RGS6: variants seen among roughly 807,000 people sequenced by gnomAD.
RGS6 encodes regulator of G-protein signaling 6.
RGS6 carries 30 observed loss-of-function variants against 78.5 expected under a neutral mutation model. The observed-to-expected ratio is 0.38, with a 90% CI of 0.29 to 0.52. The LOEUF (loss-of-function observed/expected upper bound fraction) is 0.52. Ranked by LOEUF, RGS6 falls within the 20% of genes least tolerant of loss-of-function variation. The pLI, the probability that RGS6 is intolerant of heterozygous loss-of-function variation, is 0.85. For synonymous variants in RGS6, 206 were observed against 206.0 expected, an observed-to-expected ratio of 1.00 and a Z score of 0.00; for missense variants, 495 against 609.7, an observed-to-expected ratio of 0.81 and a Z score of 1.98.
At chr14:72,128,762 G>A (rs2096254414) in intron 2 of RGS6, among the ~76,000 whole-genome samples, 1 of 152,150 alleles carries the variant, frequency 6.6e-6, no homozygotes, top group Admixed American at 6.5e-5. Flanking sequence ...TATGTTGGTA[G>A]GAAGTAGAAA....
In RGS6 at chr14:72,540,086, C is replaced by G. The variant is rs1350940158; in HGVS notation, c.1414C>G (p.Arg472Gly). 4 of 1,588,962 alleles carry G rather than the reference C, an allele frequency of 2.5e-6. No individual in the cohort carries two copies. The highest frequency in any genetic ancestry group is 3.4e-6 in the Non-Finnish European group (4 of 1,177,166). Residue 472 changes from arginine (R) to glycine (G), a missense_variant, in exon 17 of 18, where the codon CGC (arginine) becomes GGC (glycine). By Grantham distance (125) the Arg-to-Gly change is moderately radical (BLOSUM62 -2). Transcript: ENST00000553525. ...GRRTSLEKFT[R>G]SVGKSLAGKR... The stretch of plus-strand genomic sequence containing the variant: ...TAGAACTTCCCTAGAAAAGTTCACT[C>G]GCAGTGTGGTAAGTTCAGTCGGTTT...
chr14:72,263,881 A>G (rs1378921654), intron 2 of RGS6, among the ~76,000 whole-genome samples: 1 of 152,144 alleles, frequency 6.6e-6, no homozygotes, highest in Non-Finnish European at 1.5e-5. Flanking sequence ...CACCCATCTC[A>G]TGTGAATGTA....
At chr14:72,017,454 CATG>C (rs2087282771) in intron 2 of RGS6, among the ~76,000 whole-genome samples, 1 of 152,148 alleles carries the variant, frequency 6.6e-6, no homozygotes, top group Admixed American at 6.5e-5. Context: ...CTTGGACTTT[CATG>C]ATATCACCTG....
chr14:72,000,592 G>C (rs977363260), intron 2 of RGS6, among the ~76,000 whole-genome samples: 1 of 152,162 alleles, frequency 6.6e-6, no homozygotes, highest in African/African-American at 2.4e-5. Flanking sequence ...GAGAACCCAG[G>C]AGACAAAGGT....
chr14:72,354,806 T>G (rs1340018837), intron 3 of RGS6, among the ~76,000 whole-genome samples: 1 of 152,168 alleles, frequency 6.6e-6, no homozygotes, highest in East Asian at 1.9e-4. Context: ...AGAGCCCAGA[T>G]AGATTTGGGT....
At chr14:72,236,580 T>C (rs1278462579) in intron 2 of RGS6, among the ~76,000 whole-genome samples, 1 of 152,182 alleles carries the variant, frequency 6.6e-6, no homozygotes, top group Non-Finnish European at 1.5e-5. Context: ...AATGCAAACT[T>C]GGGGAAGGCA....
At chr14:71,947,201 C>T (rs2091653954) in intron 1 of RGS6, among the ~76,000 whole-genome samples, 1 of 152,148 alleles carries the variant, frequency 6.6e-6, no homozygotes, top group Non-Finnish European at 1.5e-5. Flanking sequence ...CTGCTGACTC[C>T]TGGGTCTCCC....
chr14:71,925,831 A>C, the RGS6 span, among the ~76,000 whole-genome samples: 10 of 151,732 alleles, frequency 6.6e-5, no homozygotes, highest in Non-Finnish European at 1.3e-4. Context: ...TACAGCTTAC[A>C]AAATCACATA....
chr14:72,288,864 A>T (rs1289933344), intron 2 of RGS6, among the ~76,000 whole-genome samples: 1 of 152,172 alleles, frequency 6.6e-6, no homozygotes, highest in Admixed American at 6.5e-5. Flanking sequence ...TTAAAGGGCA[A>T]CAGTTTTCCT....
intron 2 of RGS6, among the ~76,000 whole-genome samples, chr14:72,047,898 G>GTTTT (rs869098348): frequency 2.0e-4 from 6 of 29,628 alleles, no homozygotes; most frequent in Admixed American, 3.6e-4. Context: ...GCTAATTTTT[G>GTTTT]TTTTTTTTTT....
intron 2 of RGS6, among the ~76,000 whole-genome samples, chr14:72,344,895 A>G (rs2077720097): frequency 6.6e-6 from 1 of 152,214 alleles, no homozygotes; most frequent in Non-Finnish European, 1.5e-5. Flanking sequence ...GGCCTGCCCA[A>G]CCATCCTTTA....
intron 2 of RGS6, among the ~76,000 whole-genome samples, chr14:72,079,790 T>C (rs1250251101): frequency 6.6e-6 from 1 of 152,222 alleles, no homozygotes; most frequent in East Asian, 1.9e-4. Context: ...GTGATATTTA[T>C]CTTTCTATGC....
chr14:72,304,881 A>AAAAAT (rs111525138), intron 2 of RGS6, among the ~76,000 whole-genome samples: 89,584 of 150,556 alleles, frequency 0.6, 27,159 homozygotes, highest in African/African-American at 0.71. Context: ...TCTGTCTCAA[A>AAAAAT]AAAATAAAAT....
chr14:72,561,597 G>A (rs900569235), intron 17 of RGS6, among the ~76,000 whole-genome samples: 5 of 152,166 alleles, frequency 3.3e-5, no homozygotes, highest in Admixed American at 1.3e-4. Context: ...GGGCTTCTCC[G>A]CCATCTCTCC....
At chr14:72,250,757 A>C (rs1244298985) in intron 2 of RGS6, among the ~76,000 whole-genome samples, 4 of 152,198 alleles carry the variant, frequency 2.6e-5, no homozygotes, top group Admixed American at 6.5e-5. Flanking sequence ...GGTATGGTCA[A>C]ATACGTGAGC....
chr14:72,293,479 C>T (rs1244304838), intron 2 of RGS6, among the ~76,000 whole-genome samples: 2 of 152,092 alleles, frequency 1.3e-5, no homozygotes, highest in East Asian at 3.8e-4. Context: ...CTCTCTTCCC[C>T]CCTCCCCTTT....
rs746889309 is a variant in RGS6 at position 72,565,416 on chromosome 14, C to G, written c.*2949C>G. The G allele has an allele frequency of 7.2e-5, 11 of 152,278 alleles. No homozygotes were observed. Among genetic ancestry groups the G allele is most frequent in the Non-Finnish European group, 1.6e-4 (11 of 68,058 alleles). 9.4% of individuals were successfully genotyped at this position (152,278 alleles called of 1,614,324 possible). A position where few individuals can be genotyped will look rare whatever the true frequency, so the allele number is the denominator to read the frequency against. On this transcript the variant is annotated 3_prime_UTR_variant, in exon 18 of 18. Coordinates refer to ENST00000553525, the MANE Select transcript of RGS6 (RefSeq NM_001204424.2). ...TAAACGTCCAGCCGCAGCCAGATGG[C>G]CTGAACTAAGCAGCAGGAACTCTCT...
intron 2 of RGS6, among the ~76,000 whole-genome samples, chr14:72,344,044 A>G (rs933948165): frequency 1.3e-5 from 2 of 152,184 alleles, no homozygotes; most frequent in Non-Finnish European, 2.9e-5. Flanking sequence ...AAAGCAAACA[A>G]CAGATTCTTA....
intron 1 of RGS6, among the ~76,000 whole-genome samples, chr14:71,944,946 G>A (rs776650715): frequency 4.6e-5 from 7 of 152,148 alleles, no homozygotes; most frequent in African/African-American, 1.7e-4. Flanking sequence ...CAATTGTAGC[G>A]CAGTGGTGTT....
Sources: allele counts gnomAD v4.1 joint callset (sites outside exome capture counted in the v4.1 genomes callset), GRCh38; gene constraint gnomAD v4.1.1; transcripts MANE v1.5; gene names NCBI Gene and HGNC (gene_info 2026-07-23, HGNC 2026-07-21).